The following CLMP variants were observed in gnomAD, a reference collection of about 807,000 sequenced individuals.
The protein encoded by CLMP is CXADR-like membrane protein.
A neutral mutation model predicts 45.2 loss-of-function variants in CLMP; 27 were observed. That is an observed-to-expected ratio of 0.60 (90% confidence interval 0.44 to 0.82). CLMP has a LOEUF of 0.82. CLMP is among the 40% of genes least tolerant of loss of function. The probability of loss-of-function intolerance (pLI) is 0.00; values close to 1 mark genes in which losing one functional copy is unlikely to be tolerated. For missense variants in CLMP, 403 were observed against 448.4 expected (o/e 0.90, Z 0.91); for synonymous variants, 167 against 171.4 (o/e 0.97, Z 0.20).
At chr11:123,082,752 A>G (rs1052521875) in intron 5 of CLMP, among the ~76,000 whole-genome samples, 1 of 151,628 alleles carries the variant, frequency 6.6e-6, no homozygotes, top group Non-Finnish European at 1.5e-5. Flanking sequence ...CTGAGATTAC[A>G]GGCGCCCACC....
chr11:123,093,052 C>A (rs575544323), intron 2 of CLMP, among the ~76,000 whole-genome samples: 14 of 151,332 alleles, frequency 9.3e-5, no homozygotes, highest in Admixed American at 5.9e-4. Context: ...GGACTACAGG[C>A]ACCCGCCATC....
At chr11:123,151,585 T>C (rs1861338151) in intron 1 of CLMP, among the ~76,000 whole-genome samples, 2 of 152,218 alleles carry the variant, frequency 1.3e-5, no homozygotes, top group African/African-American at 4.8e-5. Context: ...ACTCATACTC[T>C]AGTGGGAAAG....
rs745704648 is a variant in CLMP, at chr11:123,073,729, G to A, written c.867C>T (p.Ser289=). The A allele has an allele frequency of 1.2e-6, 2 of 1,611,654 alleles. No homozygotes were observed. The highest frequency in any genetic ancestry group is 2.7e-5 in the African/African-American group (2 of 74,928). The change falls in exon 7 of 7, where the codon TCC becomes TCT. Residue 289 remains serine (S), a synonymous_variant. Coordinates refer to ENST00000448775, the MANE Select transcript of CLMP (RefSeq NM_024769.5). ...GTGAGCTCCGAGAGCCTGAGGAAGA[G>A]GAGCTGGGTTTCACAAGACGGGCTT... ...APKARLVKPS[S]SSSGSRSSRS...
At chr11:123,171,736 G>T (rs570537314) in intron 1 of CLMP, among the ~76,000 whole-genome samples, 1 of 152,052 alleles carries the variant, frequency 6.6e-6, no homozygotes, top group East Asian at 1.9e-4. Flanking sequence ...GAGCCACCGC[G>T]CTCGGCCTGT....
chr11:123,128,450 C>T (rs531082381), intron 1 of CLMP, among the ~76,000 whole-genome samples: 1 of 152,112 alleles, frequency 6.6e-6, no homozygotes, highest in African/African-American at 2.4e-5. Context: ...TCGCTTGAGC[C>T]CAGGAGTTTG....
chr11:123,190,516 T>C (rs2135553985), intron 1 of CLMP, among the ~76,000 whole-genome samples: 1 of 152,318 alleles, frequency 6.6e-6, no homozygotes, highest in African/African-American at 2.4e-5. Context: ...CAGAGTGGTA[T>C]GATTTTCCTA....
intron 1 of CLMP, among the ~76,000 whole-genome samples, chr11:123,098,524 G>A (rs1400859529): frequency 6.6e-6 from 1 of 151,682 alleles, no homozygotes; most frequent in Non-Finnish European, 1.5e-5. Flanking sequence ...CACTGTGCCC[G>A]GCCTGTTTGT....
intron 1 of CLMP, among the ~76,000 whole-genome samples, chr11:123,128,357 C>T (rs1348061137): frequency 8.2e-6 from 1 of 121,550 alleles, no homozygotes; most frequent in Non-Finnish European, 1.7e-5. Flanking sequence ...GGCATGGTGG[C>T]CCAGGCCTGT....
rs796270689 is a variant in CLMP, at chr11:123,144,668, C to T, written c.29-46716G>A. Among the ~76,000 whole-genome samples the T allele has an allele frequency of 5.3e-5, 8 of 151,734 alleles. 1 individual carries two copies. The highest frequency in any genetic ancestry group is 1.9e-4 in the East Asian group (1 of 5,188). Reference sequence around the variant, plus strand: ...TACAGGCATGAGCCACCACTCCCAGCGGGGATAATGATTTTTTTTGGTAAA... The same window carrying T: ...TACAGGCATGAGCCACCACTCCCAGTGGGGATAATGATTTTTTTTGGTAAA... On this transcript the variant is annotated intron_variant, in intron 1 of 6. Transcript: ENST00000448775.
chr11:123,168,755 A>G (rs1861592416), intron 1 of CLMP, among the ~76,000 whole-genome samples: 1 of 152,216 alleles, frequency 6.6e-6, no homozygotes, highest in African/African-American at 2.4e-5. Flanking sequence ...TGGATGCTGC[A>G]TCTTAAGTGT....
chr11:123,085,614 A>C (rs1205519270), intron 2 of CLMP, among the ~76,000 whole-genome samples: 1 of 150,560 alleles, frequency 6.6e-6, no homozygotes, highest in East Asian at 2.0e-4. Context: ...AAAAAAAAAA[A>C]AAGCTTACAG....
At chr11:123,153,185 G>A (rs11219033) in intron 1 of CLMP, among the ~76,000 whole-genome samples, 52,250 of 152,002 alleles carry the variant, frequency 0.34, 9,274 homozygotes, top group African/African-American at 0.43. Flanking sequence ...CAGCAAGGCT[G>A]ACATTCAAGC....
At chr11:123,108,509 CA>C (rs910067900) in intron 1 of CLMP, among the ~76,000 whole-genome samples, 68 of 152,104 alleles carry the variant, frequency 4.5e-4, no homozygotes, top group African/African-American at 1.5e-3. Flanking sequence ...GGGCTTCAGT[CA>C]GGGGGGCCGG....
At position 123,083,663 on chromosome 11, in the gene CLMP, G is replaced by T. The variant is rs749345364; in HGVS notation, c.556+17C>A. 3 of 1,613,306 alleles carry T rather than the reference G, an allele frequency of 1.9e-6. No individual in the cohort carries two copies. The African/African-American group carries it at 4.0e-5, about 22-fold the overall frequency. On this transcript the variant is annotated intron_variant, in intron 4 of 6. Coordinates refer to ENST00000448775, the MANE Select transcript of CLMP (RefSeq NM_024769.5). ...ACTATTTTGTTGGCTCAATAGATTGGTAGGAAGATGACTTACCAATCCTAG... is the reference window on the plus strand; with the variant it reads ...ACTATTTTGTTGGCTCAATAGATTGTTAGGAAGATGACTTACCAATCCTAG...
chr11:123,184,512 C>T (rs941937703), intron 1 of CLMP, among the ~76,000 whole-genome samples: 13 of 152,296 alleles, frequency 8.5e-5, no homozygotes, highest in Admixed American at 7.2e-4. Flanking sequence ...CAGGGTGAAC[C>T]TGGCGAGGCG....
At chr11:123,099,424 AAATTATAGGCAATT>A in intron 1 of CLMP, among the ~76,000 whole-genome samples, 1 of 152,230 alleles carries the variant, frequency 6.6e-6, no homozygotes. Flanking sequence ...TAGAGGAGAG[AAATTATAGGCAATT>A]AATTATAGGG....
chr11:123,132,874 G>C (rs913298721), intron 1 of CLMP, among the ~76,000 whole-genome samples: 3 of 151,838 alleles, frequency 2.0e-5, no homozygotes, highest in African/African-American at 7.3e-5. Context: ...CCACCTCCCA[G>C]GCTCAAGTGA....
At chr11:123,112,922 C>T (rs371471730) in intron 1 of CLMP, among the ~76,000 whole-genome samples, 6 of 152,008 alleles carry the variant, frequency 3.9e-5, no homozygotes, top group East Asian at 1.9e-4. Flanking sequence ...TACAGGTGCC[C>T]GCCACCACGC....
At chr11:123,165,261 A>G (rs1250056393) in intron 1 of CLMP, among the ~76,000 whole-genome samples, 1 of 152,222 alleles carries the variant, frequency 6.6e-6, no homozygotes, top group Non-Finnish European at 1.5e-5. Context: ...GGCTGCTAAA[A>G]ACAGCCTGAA....
Sources: allele counts gnomAD v4.1 joint callset (sites outside exome capture counted in the v4.1 genomes callset), GRCh38; gene constraint gnomAD v4.1.1; transcripts MANE v1.5; gene names NCBI Gene and HGNC (gene_info 2026-07-23, HGNC 2026-07-21).